TMEM223: variants seen among roughly 807,000 people sequenced by gnomAD.
TMEM223 encodes the protein transmembrane protein 223.
Under a neutral mutation model 14.1 loss-of-function variants are expected in TMEM223, and 14 were observed. The ratio of observed to expected loss-of-function variants is 0.99; its 90% CI spans 0.66 to 1.55. The LOEUF is 1.55. Ranked by LOEUF, TMEM223 falls within the 40% of genes most tolerant of loss-of-function variation. The pLI, the probability that TMEM223 is intolerant of heterozygous loss-of-function variation, is 0.00. For missense variants in TMEM223, 346 were observed against 269.9 expected (o/e 1.28, Z -1.97); for synonymous variants, 145 against 120.5 (o/e 1.20, Z -1.33).
chr11:62,780,339 C>T (rs979836540), intron 1 of TMEM223, among the ~76,000 whole-genome samples: 8 of 151,342 alleles, frequency 5.3e-5, no homozygotes, highest in African/African-American at 1.5e-4. Flanking sequence ...GGTGAAACCC[C>T]GTCTCTACTA....
At chr11:62,776,494 G>C in intron 1 of TMEM223, 1 of 1,610,732 alleles carries the variant, frequency 6.2e-7, no homozygotes, top group Non-Finnish European at 8.5e-7. Context: ...AGGCTACAGA[G>C]GGCTCAGGTG....
downstream of TMEM223, chr11:62,787,310 T>C: frequency 1.3e-6 from 2 of 1,529,928 alleles, no homozygotes; most frequent in Non-Finnish European, 1.7e-6. Context: ...AGTGGCCCCT[T>C]CGTTCCTTGT....
chr11:62,778,037 ACT>A, intron 1 of TMEM223: 1 of 1,614,088 alleles, frequency 6.2e-7, no homozygotes, highest in South Asian at 1.1e-5. Context: ...GGGAGGGTGA[ACT>A]CTACTTTCCT....
downstream of TMEM223, chr11:62,786,446 C>G: frequency 6.3e-7 from 1 of 1,597,468 alleles, no homozygotes; most frequent in Non-Finnish European, 8.6e-7. Context: ...GCCAAGCAGG[C>G]TTACTTTGGA....
chr11:62,787,685 A>G (rs1386402452), downstream of TMEM223: 4 of 993,064 alleles, frequency 4.0e-6, 1 homozygote, highest in Non-Finnish European at 5.8e-6. Flanking sequence ...CAGCGAGGCT[A>G]ATCGCGCTTT....
downstream of TMEM223, among the ~76,000 whole-genome samples, chr11:62,784,400 G>T (rs11231217): frequency 0.072 from 10,910 of 151,252 alleles, 424 homozygotes; most frequent in East Asian, 0.14. Flanking sequence ...CGCCTCCCGG[G>T]TTCACGCCAT....
At chr11:62,779,581 C>T (rs1394689465) in intron 1 of TMEM223, among the ~76,000 whole-genome samples, 1 of 152,014 alleles carries the variant, frequency 6.6e-6, no homozygotes, top group Non-Finnish European at 1.5e-5. Flanking sequence ...CCGCCTTGGC[C>T]TCCCAAAGTG....
rs1644200779 is a variant in TMEM223, at chr11:62,790,150, CG to C, written c.*472del. The stretch of plus-strand genomic sequence containing the variant: ...ATGTTGGGAGTCTTAGTTTTCCTTT[CG>C]TTGGGGGGTGGGGGGGAAACATAAT... On this transcript the variant is annotated 3_prime_UTR_variant, in exon 2 of 2. Coordinates refer to ENST00000307366, the MANE Select transcript of TMEM223 (RefSeq NM_001080501.3). 2.2e-6 allele frequency: 1 copy of C among 459,350 alleles called. No individual in the cohort carries two copies. Among genetic ancestry groups the C allele is most frequent in the Middle Eastern group, 8.1e-4 (1 of 1,228 alleles). 28.5% of individuals were successfully genotyped at this position (459,350 alleles called of 1,614,324 possible). A position where few individuals can be genotyped will look rare whatever the true frequency, so the allele number is the denominator to read the frequency against.
intron 1 of TMEM223, 135 bp from the exon 2 acceptor site, chr11:62,791,050 T>G: frequency 1.6e-4 from 130 of 832,464 alleles, no homozygotes; most frequent in Non-Finnish European, 2.0e-4. Flanking sequence ...TGAGACTGAG[T>G]CTCACTCTGC....
chr11:62,787,332 G>A (rs148075834), downstream of TMEM223: 2,001 of 1,522,532 alleles, frequency 1.3e-3, 19 homozygotes, highest in African/African-American at 0.023. Context: ...AATAAATCCC[G>A]CCCCCGGAAA....
At chr11:62,778,275 C>T in intron 1 of TMEM223, 1 of 1,614,198 alleles carries the variant, frequency 6.2e-7, no homozygotes, top group Non-Finnish European at 8.5e-7. Context: ...TCTCTCTGCA[C>T]TGCTTCTAGT....
chr11:62,787,377 GGT>G (rs1343893449), downstream of TMEM223: 1 of 1,550,200 alleles, frequency 6.5e-7, no homozygotes, highest in Non-Finnish European at 8.6e-7. Context: ...CGCCGGATAA[GGT>G]GGGCTTTGGG....
At chr11:62,788,064 G>A, downstream of TMEM223, 1 of 450,062 alleles carries the variant, frequency 2.2e-6, no homozygotes, top group South Asian at 1.6e-5. Context: ...TTCATTTAAT[G>A]CCTATAAAGT....
At chr11:62,786,838 G>A, downstream of TMEM223, 8 of 1,601,002 alleles carry the variant, frequency 5.0e-6, no homozygotes, top group South Asian at 1.1e-5. Flanking sequence ...GCCGCCCGGG[G>A]ACAAGAAGGA....
chr11:62,789,671 A>C, downstream of TMEM223: 1 of 1,543,432 alleles, frequency 6.5e-7, no homozygotes, highest in Non-Finnish European at 8.7e-7. Context: ...CAACCTACAC[A>C]ATGCTGAAGT....
At chr11:62,783,231 C>G (rs2084243419), downstream of TMEM223, among the ~76,000 whole-genome samples, 1 of 152,074 alleles carries the variant, frequency 6.6e-6, no homozygotes, top group Non-Finnish European at 1.5e-5. Context: ...GCCTGTAATC[C>G]CAGCACTTTG....
chr11:62,777,519 G>A (rs776736727), intron 1 of TMEM223, among the ~76,000 whole-genome samples: 4 of 152,092 alleles, frequency 2.6e-5, no homozygotes, highest in Non-Finnish European at 4.4e-5. Context: ...CCCTTAAAGG[G>A]TGGTGAAGAA....
In TMEM223 at chr11:62,774,378, A is replaced by G. The variant is rs1014127743; in HGVS notation, c.385+217T>C. 8.5e-5 allele frequency among the ~76,000 whole-genome samples: 13 copies of G among 152,188 alleles called. 1 individual carries two copies. Among genetic ancestry groups the G allele is most frequent in the Admixed American group, 4.6e-4 (7 of 15,270 alleles). ...GGCGTGAGCCACCGCGCCCGGCCCA[A>G]ATTTGTTCTTTATTTCAAAGACAAT... On this transcript the variant is annotated intron_variant, in intron 2 of 2. Coordinates refer to the TMEM223 transcript ENST00000528367.
intron 1 of TMEM223, among the ~76,000 whole-genome samples, chr11:62,780,853 C>CT (rs2134713288): frequency 6.7e-6 from 1 of 150,346 alleles, no homozygotes; most frequent in African/African-American, 2.4e-5. Flanking sequence ...AGGAGAATCG[C>CT]TTGAACCCAA....
Sources: gnomAD v4.1 joint callset for allele counts (sites outside exome capture counted in the v4.1 genomes callset) on GRCh38, gnomAD v4.1.1 for gene constraint, MANE v1.5 for transcripts, NCBI Gene and HGNC (gene_info 2026-07-23, HGNC 2026-07-21) for gene names.